Variants in TENM3 observed in about 807,000 individuals in gnomAD.
TENM3 encodes the protein teneurin-3.
TENM3 carries 63 observed loss-of-function variants against 255.1 expected under a neutral mutation model. The ratio of observed to expected loss-of-function variants is 0.25; its 90% CI spans 0.20 to 0.30. TENM3 has a LOEUF of 0.30. Ranked by LOEUF, TENM3 falls within the 10% of genes least tolerant of loss-of-function variation. The probability of loss-of-function intolerance (pLI) is 1.00; values close to 1 mark genes in which losing one functional copy is unlikely to be tolerated. For missense variants in TENM3, 2,929 were observed against 3,461.1 expected (o/e 0.85, Z 3.86); for synonymous variants, 1,306 against 1,322.3 (o/e 0.99, Z 0.27).
chr4:182,256,173 C>T (rs1188983891), intron 1 of TENM3, among the ~76,000 whole-genome samples: 3 of 152,100 alleles, frequency 2.0e-5, no homozygotes, highest in South Asian at 4.2e-4. Flanking sequence ...TAAATTATTT[C>T]GACCCTAAAG....
intron 3 of TENM3, among the ~76,000 whole-genome samples, chr4:182,590,376 G>T (rs757732334): frequency 6.6e-6 from 1 of 151,628 alleles, no homozygotes; most frequent in Non-Finnish European, 1.5e-5. Context: ...GTTGATTCAC[G>T]CCTGTAACCC....
At chr4:182,776,713 T>C (rs1764715792) in intron 24 of TENM3, among the ~76,000 whole-genome samples, 1 of 152,116 alleles carries the variant, frequency 6.6e-6, no homozygotes, top group Non-Finnish European at 1.5e-5. Context: ...GGAAACCCAG[T>C]CTGAAGTCCC....
the TENM3 span, among the ~76,000 whole-genome samples, chr4:181,591,490 G>A: frequency 6.6e-6 from 1 of 152,178 alleles, no homozygotes; most frequent in Non-Finnish European, 1.5e-5. Flanking sequence ...ATCAGTAAAT[G>A]AATGGATAAA....
At chr4:182,043,077 A>G in the TENM3 span, among the ~76,000 whole-genome samples, 4 of 152,082 alleles carry the variant, frequency 2.6e-5, no homozygotes, top group African/African-American at 9.7e-5. Flanking sequence ...ATCCATCTCA[A>G]GCTCTGCGTT....
intron 16 of TENM3, among the ~76,000 whole-genome samples, 198 bp from the exon 17 acceptor site, chr4:182,736,610 T>A (rs866034532): frequency 3.3e-5 from 5 of 152,208 alleles, no homozygotes; most frequent in African/African-American, 9.6e-5. Flanking sequence ...AAATGCATAT[T>A]TGTGAATAGT....
intron 22 of TENM3, among the ~76,000 whole-genome samples, chr4:182,758,040 C>G (rs1181029093): frequency 1.3e-5 from 2 of 152,090 alleles, no homozygotes; most frequent in East Asian, 1.9e-4. Context: ...AATGACTTTT[C>G]TAATAAAATT....
intron 13 of TENM3, among the ~76,000 whole-genome samples, chr4:182,716,171 C>T (rs1316313679): frequency 6.6e-6 from 1 of 152,188 alleles, no homozygotes; most frequent in Non-Finnish European, 1.5e-5. Context: ...AGGAGAGCTT[C>T]TCTTTCTCCT....
At chr4:182,539,984 C>A (rs1363555534) in intron 3 of TENM3, among the ~76,000 whole-genome samples, 1 of 152,184 alleles carries the variant, frequency 6.6e-6, no homozygotes, top group Non-Finnish European at 1.5e-5. Context: ...GCGTCTGGAA[C>A]ACAGACATAA....
At chr4:182,732,710 C>T (rs1418916881) in intron 16 of TENM3, among the ~76,000 whole-genome samples, 1 of 152,096 alleles carries the variant, frequency 6.6e-6, no homozygotes. Context: ...ACCTGTAGTC[C>T]TAGCTACTCA....
intron 18 of TENM3, 103 bp downstream of exon 18, chr4:182,738,647 A>G (rs1206050389): frequency 7.5e-6 from 7 of 935,510 alleles, no homozygotes; most frequent in Middle Eastern, 2.4e-4. Flanking sequence ...ATTTTATGCT[A>G]TCCATGCTGT....
At chr4:181,516,982 C>A in the TENM3 span, among the ~76,000 whole-genome samples, 1 of 152,238 alleles carries the variant, frequency 6.6e-6, no homozygotes, top group Admixed American at 6.5e-5. Flanking sequence ...TCCAGAGGTT[C>A]TACACTCAAA....
the TENM3 span, among the ~76,000 whole-genome samples, chr4:181,831,514 C>T: frequency 8.4e-6 from 1 of 119,260 alleles, no homozygotes; most frequent in African/African-American, 2.8e-5. Context: ...AAAAAAAAAC[C>T]TGATTTTTTA....
chr4:181,594,924 C>A, the TENM3 span, among the ~76,000 whole-genome samples: 1 of 152,086 alleles, frequency 6.6e-6, no homozygotes, highest in East Asian at 1.9e-4. Flanking sequence ...ATGTACATGG[C>A]AAAATTTGAT....
At chr4:182,386,910 G>C (rs149129969) in intron 3 of TENM3, among the ~76,000 whole-genome samples, 4 of 152,184 alleles carry the variant, frequency 2.6e-5, no homozygotes, top group Non-Finnish European at 4.4e-5. Flanking sequence ...CAGTCCCATC[G>C]ACCGCCCAAG....
At chr4:181,928,846 A>G in the TENM3 span, among the ~76,000 whole-genome samples, 1 of 152,324 alleles carries the variant, frequency 6.6e-6, no homozygotes, top group East Asian at 1.9e-4. Flanking sequence ...CAGAAACCCT[A>G]CAAGCCAAAA....
At chr4:182,672,718 T>C (rs757713173) in intron 6 of TENM3, among the ~76,000 whole-genome samples, 2 of 152,204 alleles carry the variant, frequency 1.3e-5, no homozygotes, top group African/African-American at 2.4e-5. Flanking sequence ...ATGTTTCAAG[T>C]GAACAGAAAG....
At chr4:182,200,190 T>C (rs1010052785) in intron 1 of TENM3, among the ~76,000 whole-genome samples, 1 of 152,176 alleles carries the variant, frequency 6.6e-6, no homozygotes, top group African/African-American at 2.4e-5. Flanking sequence ...CCGTGTTTCT[T>C]GCATAATCAT....
the TENM3 span, among the ~76,000 whole-genome samples, chr4:181,826,126 C>T: frequency 6.6e-6 from 1 of 152,066 alleles, no homozygotes; most frequent in Non-Finnish European, 1.5e-5. Flanking sequence ...ACTATAAAAG[C>T]ATTCCAGTTA....
chr4:181,657,912 C>T, the TENM3 span, among the ~76,000 whole-genome samples: 1 of 152,104 alleles, frequency 6.6e-6, no homozygotes, highest in Non-Finnish European at 1.5e-5. Flanking sequence ...TGTGTGTTCT[C>T]ACTTACAAGC....
Sources: allele counts gnomAD v4.1 joint callset (sites outside exome capture counted in the v4.1 genomes callset), GRCh38; gene constraint gnomAD v4.1.1; transcripts MANE v1.5; gene names NCBI Gene and HGNC (gene_info 2026-07-23, HGNC 2026-07-21).